Variants in PRKCQ observed in about 807,000 individuals in gnomAD.
The protein encoded by PRKCQ is protein kinase C theta type.
A neutral mutation model predicts 91.2 loss-of-function variants in PRKCQ; 41 were observed. The observed-to-expected ratio is 0.45, with a 90% CI of 0.35 to 0.58. PRKCQ has a LOEUF of 0.58. Ranked by LOEUF, PRKCQ falls within the 20% of genes least tolerant of loss-of-function variation. PRKCQ has a pLI of 0.00. For missense variants in PRKCQ, 673 were observed against 896.5 expected (o/e 0.75, Z 3.18); for synonymous variants, 307 against 316.9 (o/e 0.97, Z 0.33).
intron 1 of PRKCQ, among the ~76,000 whole-genome samples, chr10:6,523,385 AG>A (rs1229199518): frequency 6.6e-6 from 1 of 152,180 alleles, no homozygotes; most frequent in Non-Finnish European, 1.5e-5. Flanking sequence ...CAGGATGTCG[AG>A]GCTGCAGTGA....
chr10:6,447,788 C>G (rs1306607204), intron 15 of PRKCQ, among the ~76,000 whole-genome samples: 1 of 152,218 alleles, frequency 6.6e-6, no homozygotes, highest in African/African-American at 2.4e-5. Flanking sequence ...ACAGAGTCCC[C>G]TCCCTGAAGG....
intron 15 of PRKCQ, among the ~76,000 whole-genome samples, chr10:6,452,244 C>G (rs1443218556): frequency 6.6e-6 from 1 of 152,198 alleles, no homozygotes; most frequent in African/African-American, 2.4e-5. Context: ...CATACAAAAT[C>G]AATGTACAAA....
At chr10:6,474,615 G>A (rs1420580348) in intron 12 of PRKCQ, among the ~76,000 whole-genome samples, 1 of 152,132 alleles carries the variant, frequency 6.6e-6, no homozygotes, top group Admixed American at 6.5e-5. Context: ...GGATACTTGA[G>A]TTATTAATCT....
Position 6,428,252 on chromosome 10 carries a change from C to G in PRKCQ, c.2076G>C (p.Arg692Ser). 1 of 1,614,162 alleles carries G rather than the reference C, an allele frequency of 6.2e-7. No individual in the cohort carries two copies. Among genetic ancestry groups the G allele is most frequent in the Non-Finnish European group, 8.5e-7 (1 of 1,180,040 alleles). Residue 692 changes from arginine (R) to serine (S), a missense_variant, in exon 18 of 18, where the codon AGG becomes AGC. Transcript: ENST00000263125. ...TCCCGGGGTTCATGAAGGAAAAGTT[C>G]CTGAACATATTCTGGTCCATGCTGT... ...LINSMDQNMF[R>S]NFSFMNPGME...
chr10:6,493,474 C>T (rs1837432446), intron 7 of PRKCQ, among the ~76,000 whole-genome samples: 1 of 152,090 alleles, frequency 6.6e-6, no homozygotes, highest in Non-Finnish European at 1.5e-5. Flanking sequence ...AATACTGCTC[C>T]AGGGGTAGAG....
chr10:6,395,063 T>G, the PRKCQ span, among the ~76,000 whole-genome samples: 10 of 145,478 alleles, frequency 6.9e-5, no homozygotes, highest in South Asian at 2.0e-3. Context: ...AGTCTTTTTT[T>G]TTTTTTTTTT....
At chr10:6,536,891 G>A (rs977416136) in intron 1 of PRKCQ, among the ~76,000 whole-genome samples, 1 of 152,220 alleles carries the variant, frequency 6.6e-6, no homozygotes, top group African/African-American at 2.4e-5. Context: ...AGGAAGGAGA[G>A]GCTGGAGGCA....
chr10:6,413,731 G>A, the PRKCQ span, among the ~76,000 whole-genome samples: 236 of 73,188 alleles, frequency 3.2e-3, 9 homozygotes, highest in East Asian at 4.6e-3. Context: ...TTGTGCGCGC[G>A]CACACACACA....
chr10:6,487,256 G>A (rs569214670), intron 8 of PRKCQ, among the ~76,000 whole-genome samples: 21 of 152,284 alleles, frequency 1.4e-4, no homozygotes, highest in African/African-American at 4.8e-4. Context: ...AACTGATGGC[G>A]TAAATTGACA....
At chr10:6,559,768 G>A (rs1840554457) in intron 1 of PRKCQ, among the ~76,000 whole-genome samples, 1 of 152,124 alleles carries the variant, frequency 6.6e-6, no homozygotes, top group African/African-American at 2.4e-5. Context: ...AACAGGCCAG[G>A]TTCTAGAAAT....
chr10:6,571,106 CAG>C (rs1384428917), intron 1 of PRKCQ, among the ~76,000 whole-genome samples: 2 of 151,996 alleles, frequency 1.3e-5, no homozygotes, highest in African/African-American at 4.8e-5. Context: ...CTGGGGAAGA[CAG>C]AGATCCTAGA....
chr10:6,409,388 A>T, the PRKCQ span, among the ~76,000 whole-genome samples: 2 of 152,098 alleles, frequency 1.3e-5, no homozygotes, highest in Non-Finnish European at 2.9e-5. Flanking sequence ...TCTGCCTCCC[A>T]GGTTCAAGCG....
chr10:6,447,400 C>A (rs1211749933), intron 15 of PRKCQ, among the ~76,000 whole-genome samples: 1 of 130,610 alleles, frequency 7.7e-6, no homozygotes, highest in East Asian at 2.2e-4. Flanking sequence ...GAGCAAGACT[C>A]CACCTCAAAA....
At position 6,576,418 on chromosome 10, in the gene PRKCQ, A is replaced by G. The variant is rs997159615; in HGVS notation, c.-10+3793T>C. Among the ~76,000 whole-genome samples the G allele has an allele frequency of 8.5e-5, 13 of 152,240 alleles. No individual in the cohort carries two copies. The highest frequency in any genetic ancestry group is 8.8e-5 in the Non-Finnish European group (6 of 68,040). ...GCTGTCACATGGATACAGCTTGAGA[A>G]CACTATGCTAAGTGAAATAAGACAG... On this transcript the variant is annotated intron_variant, in intron 1 of 17. Transcript: ENST00000263125. This position sits in a 1 kb window ranked among gnomAD's most constrained non-coding sequence, Gnocchi z 4.2.
chr10:6,561,642 T>C (rs1385462261), intron 1 of PRKCQ, among the ~76,000 whole-genome samples: 1 of 150,466 alleles, frequency 6.6e-6, no homozygotes, highest in Non-Finnish European at 1.5e-5. Context: ...CAGAATAGAT[T>C]ACTTTTTTAA....
At chr10:6,517,993 T>C (rs895005712) in intron 1 of PRKCQ, among the ~76,000 whole-genome samples, 1 of 152,198 alleles carries the variant, frequency 6.6e-6, no homozygotes, top group Admixed American at 6.5e-5. Flanking sequence ...GCATGTACCA[T>C]TCCTGAAAAG....
At chr10:6,394,753 G>T in the PRKCQ span, among the ~76,000 whole-genome samples, 1 of 152,224 alleles carries the variant, frequency 6.6e-6, no homozygotes, top group Non-Finnish European at 1.5e-5. Context: ...CATGCTGCTC[G>T]CAAGAAGCAG....
the PRKCQ span, among the ~76,000 whole-genome samples, chr10:6,412,674 G>GATA: frequency 6.6e-6 from 1 of 152,228 alleles, no homozygotes; most frequent in Non-Finnish European, 1.5e-5. Flanking sequence ...ACAGCATTGA[G>GATA]TCACTTGGTT....
the PRKCQ span, among the ~76,000 whole-genome samples, chr10:6,394,805 G>C: frequency 2.0e-5 from 3 of 152,338 alleles, no homozygotes; most frequent in African/African-American, 7.2e-5. Context: ...AATAGTGATT[G>C]TGTCAAATAA....
Sources: gnomAD v4.1 joint callset for allele counts (sites outside exome capture counted in the v4.1 genomes callset) on GRCh38, gnomAD v4.1.1 for gene constraint, Gnocchi (gnomAD v3.1) non-coding constraint, MANE v1.5 for transcripts, NCBI Gene and HGNC (gene_info 2026-07-23, HGNC 2026-07-21) for gene names.